CFTR: variants seen among roughly 807,000 people sequenced by gnomAD.
CFTR encodes the protein cystic fibrosis transmembrane conductance regulator.
In CFTR, 181 loss-of-function variants were observed where a neutral mutation model predicts 171.6. That is an observed-to-expected ratio of 1.05 (90% confidence interval 0.93 to 1.19). The LOEUF is 1.19. Among genes scored for constraint, CFTR ranks in the 50% most tolerant of loss-of-function variants. CFTR has a pLI of 0.00. For synonymous variants in CFTR, 583 were observed against 608.0 expected, an observed-to-expected ratio of 0.96 and a Z score of 0.60; for missense variants, 1,968 against 1,734.7, an observed-to-expected ratio of 1.13 and a Z score of -2.39.
intron 3 of CFTR, among the ~76,000 whole-genome samples, chr7:117,520,961 C>A (rs1332420253): frequency 6.6e-6 from 1 of 151,864 alleles, no homozygotes; most frequent in Admixed American, 6.6e-5. Flanking sequence ...GGAATGTAAT[C>A]TTTGCAACAT....
intron 11 of CFTR, among the ~76,000 whole-genome samples, chr7:117,581,537 G>C (rs1791850181): frequency 6.6e-6 from 1 of 151,880 alleles, no homozygotes; most frequent in Admixed American, 6.6e-5. Context: ...GTATATTATG[G>C]GCCAGCCCTT....
chr7:117,562,750 A>G (rs992583509), intron 11 of CFTR, among the ~76,000 whole-genome samples: 2 of 152,186 alleles, frequency 1.3e-5, no homozygotes, highest in African/African-American at 4.8e-5. Flanking sequence ...CCCTTAGGGC[A>G]CTACAGAAGC....
intron 1 of CFTR, among the ~76,000 whole-genome samples, chr7:117,490,622 A>C (rs571607124): frequency 6.5e-4 from 99 of 152,156 alleles, no homozygotes; most frequent in African/African-American, 2.3e-3. Flanking sequence ...TCATCCAAAA[A>C]CACCCACCCA....
intron 11 of CFTR, among the ~76,000 whole-genome samples, chr7:117,560,456 G>T (rs1896886): frequency 0.24 from 36,805 of 151,910 alleles, 4,751 homozygotes; most frequent in East Asian, 0.42. Context: ...TTTGATAGTT[G>T]GCATTTGCAA....
intron 7 of CFTR, among the ~76,000 whole-genome samples, chr7:117,538,084 A>T (rs1294703108): frequency 6.6e-6 from 1 of 152,158 alleles, no homozygotes; most frequent in Non-Finnish European, 1.5e-5. Context: ...TTTGATATAT[A>T]GCGAATGTTT....
intron 10 of CFTR, among the ~76,000 whole-genome samples, chr7:117,552,063 A>AAT (rs893004610): frequency 1.6e-4 from 25 of 151,832 alleles, no homozygotes; most frequent in South Asian, 1.3e-3. Context: ...AACATCATTG[A>AAT]ATATATATAT....
intron 22 of CFTR, among the ~76,000 whole-genome samples, chr7:117,640,649 A>G (rs1453591695): frequency 6.6e-6 from 1 of 152,114 alleles, no homozygotes; most frequent in Non-Finnish European, 1.5e-5. Context: ...TGCTTATACA[A>G]CACTTTACTA....
At chr7:117,544,562 ACTT>A (rs1218511667) in intron 9 of CFTR, among the ~76,000 whole-genome samples, 2 of 152,196 alleles carry the variant, frequency 1.3e-5, no homozygotes, top group African/African-American at 2.4e-5. Context: ...AAAGATGTAT[ACTT>A]CTTCTTACCC....
Position 117,517,486 on chromosome 7 carries a change from T to G in CFTR, c.273+8344T>G, listed in dbSNP as rs375979848. ...GGACATTTGGGTTGGTTCCAAGTCTTTGCTATTGTGAACGCTGCAGCAATG... is the reference window on the plus strand; with the variant it reads ...GGACATTTGGGTTGGTTCCAAGTCTGTGCTATTGTGAACGCTGCAGCAATG... On this transcript the variant is annotated intron_variant, in intron 3 of 26. Transcript: ENST00000003084. Among the ~76,000 whole-genome samples the G allele has an allele frequency of 9.8e-5, 15 of 152,316 alleles. No homozygotes were observed. In the South Asian group the frequency reaches 2.3e-3, roughly 23 times the overall value.
Position 117,611,860 on chromosome 7 carries a change from T to A in CFTR, c.3367+52T>A, listed in dbSNP as rs780816166. On this transcript the variant is annotated intron_variant, in intron 20 of 26. Coordinates refer to ENST00000003084, the MANE Select transcript of CFTR (RefSeq NM_000492.4). ...AAGCATTTAAGTAAAAAATTTTCAA[T>A]GAATAAAATGCTGCATTCTATAGGT... is the stretch of plus-strand genomic sequence containing the variant. 5 of 1,247,814 alleles carry A rather than the reference T, an allele frequency of 4.0e-6. No individual in the cohort carries two copies. In the African/African-American group the frequency reaches 7.4e-5, roughly 19 times the overall value. The allele number at this position is 1,247,814 out of a possible 1,614,324, so 77.3% of individuals were successfully genotyped here. A position where few individuals can be genotyped will look rare whatever the true frequency, so the allele number is the denominator to read the frequency against.
intron 21 of CFTR, among the ~76,000 whole-genome samples, chr7:117,624,233 T>C (rs570093842): frequency 1.3e-5 from 2 of 152,286 alleles, no homozygotes; most frequent in East Asian, 3.9e-4. Flanking sequence ...CAGAATGCCA[T>C]GATATTAGGA....
In CFTR at chr7:117,606,693, C is replaced by G. The variant is rs776948957; in HGVS notation, c.2928C>G (p.Phe976Leu). ...TTATAGGTGGGATTCTTAATAGATTCTCCAAAGATATAGCAATTTTGGATG... is the reference window on the plus strand; with the variant it reads ...TTATAGGTGGGATTCTTAATAGATTGTCCAAAGATATAGCAATTTTGGATG... ...TLKAGGILNRFSKDIAILDDL... is the reference protein window; with the variant it reads ...TLKAGGILNRLSKDIAILDDL... The change falls in exon 18 of 27, where the codon TTC becomes TTG. Residue 976 changes from phenylalanine (F) to leucine (L), a missense_variant. Coordinates refer to ENST00000003084, the MANE Select transcript of CFTR (RefSeq NM_000492.4). 3.2e-6 allele frequency: 5 copies of G among 1,583,742 alleles called. No homozygotes were observed. In the African/African-American group the frequency reaches 6.7e-5, roughly 21 times the overall value.
At chr7:117,583,533 C>A (rs974758377) in intron 11 of CFTR, among the ~76,000 whole-genome samples, 5 of 152,090 alleles carry the variant, frequency 3.3e-5, no homozygotes, top group Non-Finnish European at 7.3e-5. Context: ...AATAGTATTC[C>A]ATAGTGTATA....
At chr7:117,589,765 A>G (rs213966) in intron 12 of CFTR, among the ~76,000 whole-genome samples, 82,633 of 151,850 alleles carry the variant, frequency 0.54, 25,183 homozygotes, top group African/African-American at 0.83. Context: ...CAGCACTGCT[A>G]TCAATTTGTT....
chr7:117,523,270 T>G (rs889002499), intron 3 of CFTR, among the ~76,000 whole-genome samples: 1 of 152,172 alleles, frequency 6.6e-6, no homozygotes, highest in Non-Finnish European at 1.5e-5. Context: ...TCTGTTGATC[T>G]ATGGATTTGA....
chr7:117,637,054 T>C (rs1324419314), intron 22 of CFTR, among the ~76,000 whole-genome samples: 2 of 152,022 alleles, frequency 1.3e-5, no homozygotes, highest in African/African-American at 4.8e-5. Flanking sequence ...TAACCTCAAG[T>C]GATCTGCCCA....
chr7:117,537,586 G>A (rs1191787163), intron 7 of CFTR, among the ~76,000 whole-genome samples: 3 of 152,166 alleles, frequency 2.0e-5, no homozygotes, highest in African/African-American at 7.2e-5. Context: ...AGGAATTCAG[G>A]CTGCTGAGTC....
chr7:117,501,788 A>C (rs1798336097), intron 1 of CFTR, among the ~76,000 whole-genome samples: 10 of 151,236 alleles, frequency 6.6e-5, no homozygotes, highest in East Asian at 1.9e-4. Context: ...AAAAAAAAAA[A>C]AAAACAAAAA....
Position 117,480,050 on chromosome 7 carries a change from T to A in CFTR, c.-45T>A. 1 of 1,598,268 alleles carries A rather than the reference T, an allele frequency of 6.3e-7. No individual in the cohort carries two copies. Among genetic ancestry groups the A allele is most frequent in the Middle Eastern group, 1.7e-4 (1 of 6,012 alleles). ...GTAGTAGGTCTTTGGCATTAGGAGC[T>A]TGAGCCCAGACGGCCCTAGCAGGGA... On this transcript the variant is annotated 5_prime_UTR_variant, in exon 1 of 27. It adds an upstream start codon to the 5' untranslated region. Transcript: ENST00000003084.
Sources: allele counts gnomAD v4.1 joint callset (sites outside exome capture counted in the v4.1 genomes callset), GRCh38; gene constraint gnomAD v4.1.1; transcripts MANE v1.5; gene names NCBI Gene and HGNC (gene_info 2026-07-23, HGNC 2026-07-21).